The following ALMS1 variants were observed in gnomAD, a reference collection of about 807,000 sequenced individuals.
ALMS1 encodes the protein centrosome-associated protein ALMS1.
Under a neutral mutation model 352.2 loss-of-function variants are expected in ALMS1, and 271 were observed. That is an observed-to-expected ratio of 0.77 (90% CI 0.70 to 0.85). The LOEUF is 0.85. ALMS1 is among the 40% of genes least tolerant of loss of function. The probability of loss-of-function intolerance (pLI) is 0.00; values close to 1 mark genes in which losing one functional copy is unlikely to be tolerated. For synonymous variants in ALMS1, 1,865 were observed against 1,761.2 expected (o/e 1.06, Z -1.48); for missense variants, 5,445 against 4,870.7 (o/e 1.12, Z -3.51).
At chr2:73,509,176 C>T (rs1673399316) in intron 10 of ALMS1, among the ~76,000 whole-genome samples, 1 of 152,118 alleles carries the variant, frequency 6.6e-6, no homozygotes, top group African/African-American at 2.4e-5. Flanking sequence ...GAATACAGCA[C>T]ACCAATGGGT....
chr2:73,457,904 A>C lies in ALMS1; in HGVS notation c.7674+2609A>C, dbSNP rs1396303734. On this transcript the variant is annotated intron_variant, in intron 9 of 22. Coordinates refer to ENST00000613296, the MANE Select transcript of ALMS1 (RefSeq NM_001378454.1). The stretch of plus-strand genomic sequence containing the variant: ...AAAAATTACCTGGGTGTCATGGTGC[A>C]TGCCTGTAATCCTAGCTACTCGGGA... 6 of 152,012 alleles carry C rather than the reference A, an allele frequency of 3.9e-5. No homozygotes were observed. In the East Asian group the frequency reaches 1.2e-3, roughly 30 times the overall value. The allele number at this position is 152,012 out of a possible 1,614,324, so 9.4% of individuals were successfully genotyped here.
intron 5 of ALMS1, among the ~76,000 whole-genome samples, chr2:73,425,771 C>T (rs1671366064): frequency 6.6e-6 from 1 of 152,156 alleles, no homozygotes; most frequent in Non-Finnish European, 1.5e-5. Context: ...TGCTATCAGT[C>T]TACTCCTGGG....
chr2:73,532,992 C>G (rs541188091), intron 11 of ALMS1, among the ~76,000 whole-genome samples: 1 of 152,198 alleles, frequency 6.6e-6, no homozygotes, highest in East Asian at 1.9e-4. Context: ...AAGTTCCTTT[C>G]TGGCCCAGGG....
In ALMS1 at chr2:73,448,080, C is replaced by A. The variant is rs1194774030; in HGVS notation, c.1553C>A (p.Ser518Tyr). 1 of 1,604,246 alleles carries A rather than the reference C, an allele frequency of 6.2e-7. No individual in the cohort carries two copies. Among genetic ancestry groups the A allele is most frequent in the African/African-American group, 1.4e-5 (1 of 69,152 alleles). The change falls in exon 8 of 23, where the codon TCT (serine) becomes TAT (tyrosine). Residue 518 changes from serine (S) to tyrosine (Y), a missense_variant. Coordinates refer to ENST00000613296, the MANE Select transcript of ALMS1 (RefSeq NM_001378454.1). ...SHLSLSLEDLSQLAVSSPLET... is the reference protein window; with the variant it reads ...SHLSLSLEDLYQLAVSSPLET... Reference sequence around the variant, plus strand: ...TTATCCTTGTCCCTTGAGGACCTGTCTCAGTTGGCTGTAAGTTCTCCTCTA... The same window carrying A: ...TTATCCTTGTCCCTTGAGGACCTGTATCAGTTGGCTGTAAGTTCTCCTCTA...
chr2:73,558,586 T>C (rs2104062214), intron 14 of ALMS1, among the ~76,000 whole-genome samples: 1 of 152,354 alleles, frequency 6.6e-6, no homozygotes, highest in East Asian at 1.9e-4. Flanking sequence ...ATATACTTGC[T>C]CTGTTTCTTA....
At chr2:73,481,967 G>T (rs1672716870) in intron 9 of ALMS1, among the ~76,000 whole-genome samples, 1 of 152,036 alleles carries the variant, frequency 6.6e-6, no homozygotes, top group Non-Finnish European at 1.5e-5. Flanking sequence ...TCAGCTTAAG[G>T]AGATTTTGGG....
At chr2:73,511,415 G>C (rs182016384) in intron 10 of ALMS1, among the ~76,000 whole-genome samples, 53 of 152,140 alleles carry the variant, frequency 3.5e-4, no homozygotes, top group Non-Finnish European at 7.4e-4. Flanking sequence ...CCTTGGTTAG[G>C]GGAGGGAGTT....
At chr2:73,399,929 A>G (rs1572899886) in intron 1 of ALMS1, among the ~76,000 whole-genome samples, 2 of 146,330 alleles carry the variant, frequency 1.4e-5, no homozygotes, top group South Asian at 2.1e-4. Flanking sequence ...GATGGATTAT[A>G]TTAATTGTTT....
At chr2:73,558,837 TA>T (rs1674596527) in intron 14 of ALMS1, 134 bp from the exon 15 acceptor site, 1 of 958,000 alleles carries the variant, frequency 1.0e-6, no homozygotes, top group East Asian at 2.6e-5. Context: ...AATTATTTTC[TA>T]AACGCATTTC....
Position 73,448,359 on chromosome 2 carries a change from C to A in ALMS1, c.1832C>A (p.Thr611Lys). ...GCTGCTCCTGGACTAGCTGACCAGACAACTGGCATGTCAACTCTAACCTCT... is the reference window on the plus strand; with the variant it reads ...GCTGCTCCTGGACTAGCTGACCAGAAAACTGGCATGTCAACTCTAACCTCT... ...VSAAPGLADQ[T>K]TGMSTLTSTS... The change falls in exon 8 of 23, where the codon ACA (threonine) becomes AAA (lysine). Residue 611 changes from threonine to lysine, a missense_variant. By Grantham distance (78) the Thr-to-Lys change is moderately conservative. Coordinates refer to ENST00000613296, the MANE Select transcript of ALMS1 (RefSeq NM_001378454.1). 3.7e-6 allele frequency: 6 copies of A among 1,613,530 alleles called. No individual in the cohort carries two copies. Among genetic ancestry groups the A allele is most frequent in the African/African-American group, 1.3e-5 (1 of 74,860 alleles).
intron 9 of ALMS1, among the ~76,000 whole-genome samples, chr2:73,482,364 A>G (rs959830163): frequency 2.6e-5 from 4 of 152,150 alleles, no homozygotes; most frequent in Admixed American, 1.3e-4. Context: ...GGCTCTGTTT[A>G]TATGCTGGAT....
rs139712529 is a variant in ALMS1, at chr2:73,604,382, A to T, written c.12362+1078A>T. ...CATTACGCTCCGGCCTGGGTAACAG[A>T]CTGAAACTCTGTATTCAAAAAATAA... On this transcript the variant is annotated intron_variant, in intron 21 of 22. Coordinates refer to ENST00000613296, the MANE Select transcript of ALMS1 (RefSeq NM_001378454.1). Among the ~76,000 whole-genome samples the T allele has an allele frequency of 3.9e-3, 587 of 152,310 alleles. 2 individuals are homozygous for T. The highest frequency in any genetic ancestry group is 0.013 in the African/African-American group (559 of 41,564).
chr2:73,486,012 A>G (rs945386756), intron 9 of ALMS1, among the ~76,000 whole-genome samples: 1 of 151,892 alleles, frequency 6.6e-6, no homozygotes, highest in Non-Finnish European at 1.5e-5. Context: ...CCTCAGATGG[A>G]AGTGCAGAAA....
chr2:73,461,093 G>A (rs1265675645), intron 9 of ALMS1, among the ~76,000 whole-genome samples: 2 of 152,208 alleles, frequency 1.3e-5, no homozygotes, highest in African/African-American at 2.4e-5. Context: ...GAGAGTAGTG[G>A]TTCTCCCAGC....
intron 6 of ALMS1, 86 bp downstream of exon 6, chr2:73,426,639 CT>C: frequency 7.3e-7 from 1 of 1,375,530 alleles, no homozygotes; most frequent in African/African-American, 1.4e-5. Context: ...TTTTATTTTA[CT>C]TTTTACTGTT....
intron 11 of ALMS1, 134 bp from the exon 12 acceptor site, chr2:73,534,690 G>T: frequency 1.2e-6 from 1 of 840,770 alleles, no homozygotes. Flanking sequence ...TGAAGGCAGA[G>T]ATACATTTCT....
At chr2:73,393,339 G>A (rs1374935892) in intron 1 of ALMS1, among the ~76,000 whole-genome samples, 1 of 151,232 alleles carries the variant, frequency 6.6e-6, no homozygotes, top group Non-Finnish European at 1.5e-5. Flanking sequence ...TTTTGTATAC[G>A]ATATGAAGAA....
At chr2:73,606,097 A>C (rs1573059379) in intron 21 of ALMS1, among the ~76,000 whole-genome samples, 6 of 152,238 alleles carry the variant, frequency 3.9e-5, no homozygotes, top group Admixed American at 3.9e-4. Context: ...TTTCTAAAAA[A>C]TGTAAACAGT....
intron 15 of ALMS1, among the ~76,000 whole-genome samples, chr2:73,568,256 A>G (rs1324329008): frequency 6.6e-6 from 1 of 152,214 alleles, no homozygotes; most frequent in Admixed American, 6.5e-5. Flanking sequence ...TAAGACTATT[A>G]TTAGAAGTGC....
Sources: allele counts gnomAD v4.1 joint callset (sites outside exome capture counted in the v4.1 genomes callset), GRCh38; gene constraint gnomAD v4.1.1; transcripts MANE v1.5; gene names NCBI Gene and HGNC (gene_info 2026-07-23, HGNC 2026-07-21).